GPM6A: variants seen among roughly 807,000 people sequenced by gnomAD.
The protein encoded by GPM6A is neuronal membrane glycoprotein M6-a.
GPM6A carries 7 observed loss-of-function variants against 32.1 expected under a neutral mutation model. That is an observed-to-expected ratio of 0.22 (90% CI 0.12 to 0.41). GPM6A has a LOEUF of 0.41. GPM6A is among the 10% of genes least tolerant of loss of function. GPM6A has a pLI of 1.00. For synonymous variants in GPM6A, 130 were observed against 123.4 expected, an observed-to-expected ratio of 1.05 and a Z score of -0.35; for missense variants, 235 against 347.2, an observed-to-expected ratio of 0.68 and a Z score of 2.57.
chr4:175,701,899 G>C, intron 1 of GPM6A, 132 bp from the exon 2 acceptor site: 1 of 590,620 alleles, frequency 1.7e-6, no homozygotes, highest in South Asian at 2.4e-5. Flanking sequence ...TGAAGTCCTA[G>C]AGTGCATTGA....
chr4:175,739,638 G>A (rs1466525100), intron 1 of GPM6A, among the ~76,000 whole-genome samples: 1 of 152,028 alleles, frequency 6.6e-6, no homozygotes, highest in Non-Finnish European at 1.5e-5. Flanking sequence ...TTCCATTCAT[G>A]AGTCACATTT....
intron 1 of GPM6A, among the ~76,000 whole-genome samples, chr4:175,951,403 A>G (rs1224617020): frequency 2.6e-5 from 4 of 152,226 alleles, no homozygotes; most frequent in Admixed American, 2.6e-4. Flanking sequence ...TGATTAGGCC[A>G]TGAACAGACA....
chr4:175,918,108 T>C (rs1738552659), intron 1 of GPM6A, among the ~76,000 whole-genome samples: 1 of 151,902 alleles, frequency 6.6e-6, no homozygotes, highest in Non-Finnish European at 1.5e-5. Flanking sequence ...AGAGAGCATA[T>C]TTTACACGCA....
intron 1 of GPM6A, among the ~76,000 whole-genome samples, chr4:175,985,135 T>G (rs1260906902): frequency 2.0e-5 from 3 of 152,182 alleles, no homozygotes; most frequent in Non-Finnish European, 2.9e-5. Context: ...CCATGAAAAC[T>G]TTTTTGAAAA....
chr4:175,909,042 C>CGT (rs1554000480), intron 1 of GPM6A, among the ~76,000 whole-genome samples: 4 of 56,666 alleles, frequency 7.1e-5, no homozygotes, highest in Admixed American at 4.7e-4. Flanking sequence ...AAAAAAAGGG[C>CGT]GGGGGGGGGG....
chr4:175,825,129 G>A (rs1403000644), intron 1 of GPM6A, among the ~76,000 whole-genome samples: 1 of 152,002 alleles, frequency 6.6e-6, no homozygotes, highest in Admixed American at 6.5e-5. Context: ...AATATAAATT[G>A]AATTGTAAAT....
At chr4:175,857,705 A>C (rs1241046377) in intron 1 of GPM6A, among the ~76,000 whole-genome samples, 1 of 151,920 alleles carries the variant, frequency 6.6e-6, no homozygotes, top group Non-Finnish European at 1.5e-5. Context: ...ATAAAAAGAA[A>C]CTCTCTCAAG....
At chr4:175,852,948 G>A (rs949783112) in intron 1 of GPM6A, among the ~76,000 whole-genome samples, 11 of 152,070 alleles carry the variant, frequency 7.2e-5, no homozygotes, top group Admixed American at 3.3e-4. Context: ...CAATCGATGC[G>A]CAATAAATAT....
intron 1 of GPM6A, among the ~76,000 whole-genome samples, chr4:175,957,307 A>G (rs973408795): frequency 3.3e-5 from 5 of 152,216 alleles, no homozygotes; most frequent in African/African-American, 1.2e-4. Context: ...GGCAGGTAAG[A>G]AAGCCATATA....
chr4:175,676,771 A>G lies in GPM6A; in HGVS notation c.231-2935T>C, dbSNP rs143919077. 5.3e-4 allele frequency among the ~76,000 whole-genome samples: 81 copies of G among 152,288 alleles called. No individual in the cohort carries two copies. The East Asian group carries it at 0.013, about 25-fold the overall frequency. Reference sequence around the variant, plus strand: ...AATGTAAAAAATGTGAAAGGAAAAAAAAGGAAGTAATTTAATCATTAAATT... The same window carrying G: ...AATGTAAAAAATGTGAAAGGAAAAAGAAGGAAGTAATTTAATCATTAAATT... On this transcript the variant is annotated intron_variant, in intron 2 of 6. Transcript: ENST00000393658.
chr4:175,797,386 G>A (rs1734274859), intron 1 of GPM6A, among the ~76,000 whole-genome samples: 1 of 152,148 alleles, frequency 6.6e-6, no homozygotes, highest in South Asian at 2.1e-4. Context: ...GTAGGTAGCT[G>A]TTGAGATTGA....
chr4:175,752,404 G>T (rs190295348), intron 1 of GPM6A, among the ~76,000 whole-genome samples: 3 of 151,994 alleles, frequency 2.0e-5, no homozygotes, highest in Non-Finnish European at 4.4e-5. Context: ...GCCTTTTTCC[G>T]TGCTGTCCTT....
intron 1 of GPM6A, among the ~76,000 whole-genome samples, chr4:175,761,798 CTT>C (rs35539334): frequency 1.4e-5 from 2 of 146,832 alleles, no homozygotes. Flanking sequence ...AAATAATAAA[CTT>C]TTTTTTTTTT....
chr4:175,680,074 C>A (rs967790807), intron 2 of GPM6A, among the ~76,000 whole-genome samples: 5 of 152,104 alleles, frequency 3.3e-5, no homozygotes, highest in African/African-American at 1.2e-4. Context: ...GTAAGAAACA[C>A]ATGTATGTAT....
chr4:175,786,093 T>C (rs1019591085), intron 1 of GPM6A, among the ~76,000 whole-genome samples: 4 of 152,186 alleles, frequency 2.6e-5, no homozygotes, highest in South Asian at 2.1e-4. Context: ...AGGATATTGC[T>C]GGATATTTTA....
At chr4:175,702,116 A>G (rs976110138) in intron 1 of GPM6A, among the ~76,000 whole-genome samples, 2 of 152,088 alleles carry the variant, frequency 1.3e-5, no homozygotes, top group African/African-American at 2.4e-5. Flanking sequence ...TCACATGCTT[A>G]TGGTTTTATT....
At chr4:175,784,286 T>C (rs1323292225) in intron 1 of GPM6A, among the ~76,000 whole-genome samples, 1 of 152,116 alleles carries the variant, frequency 6.6e-6, no homozygotes, top group Non-Finnish European at 1.5e-5. Flanking sequence ...TCAGGTCATG[T>C]AAAACAAAGA....
chr4:175,802,636 CA>C (rs1353906649), intron 1 of GPM6A, among the ~76,000 whole-genome samples: 30 of 152,182 alleles, frequency 2.0e-4, no homozygotes, highest in African/African-American at 7.2e-4. Flanking sequence ...TCAATGATTT[CA>C]AACTGTTATT....
At chr4:175,664,057 T>G (rs942163422) in intron 3 of GPM6A, among the ~76,000 whole-genome samples, 1 of 152,142 alleles carries the variant, frequency 6.6e-6, no homozygotes, top group African/African-American at 2.4e-5. Flanking sequence ...CGGAGGAACC[T>G]TAAATGCATA....
Sources: gnomAD v4.1 joint callset for allele counts (sites outside exome capture counted in the v4.1 genomes callset) on GRCh38, gnomAD v4.1.1 for gene constraint, MANE v1.5 for transcripts, NCBI Gene and HGNC (gene_info 2026-07-23, HGNC 2026-07-21) for gene names.